The following NARS2 variants were observed in gnomAD, a reference collection of about 807,000 sequenced individuals.
NARS2 encodes asparaginyl-tRNA synthetase.
In NARS2, 60 loss-of-function variants were observed where a neutral mutation model predicts 62.9. The observed-to-expected ratio is 0.95, with a 90% CI of 0.77 to 1.18. The LOEUF (loss-of-function observed/expected upper bound fraction) is 1.18. NARS2 is among the 50% of genes most tolerant of loss of function. The pLI, the probability that NARS2 is intolerant of heterozygous loss-of-function variation, is 0.00. For synonymous variants in NARS2, 196 were observed against 200.0 expected (o/e 0.98, Z 0.17); for missense variants, 619 against 576.4 (o/e 1.07, Z -0.76).
intron 7 of NARS2, among the ~76,000 whole-genome samples, chr11:78,487,093 C>T (rs552631080): frequency 3.9e-5 from 6 of 152,138 alleles, no homozygotes; most frequent in Admixed American, 1.3e-4. Context: ...TGGTGGCTCA[C>T]GCCTGTAATC....
chr11:78,479,069 C>G (rs866546991), intron 7 of NARS2, among the ~76,000 whole-genome samples: 4 of 152,124 alleles, frequency 2.6e-5, no homozygotes, highest in Non-Finnish European at 5.9e-5. Context: ...ATGTGTCACA[C>G]TTAGCTTAGT....
chr11:78,469,171 A>G (rs1858759219), intron 10 of NARS2, 76 bp downstream of exon 10: 2 of 989,060 alleles, frequency 2.0e-6, no homozygotes. Flanking sequence ...ATTTTGAAAG[A>G]TTCTTAACAC....
rs191489766 is a variant in NARS2, at chr11:78,458,913, T to G, written c.1164+6963A>C. On this transcript the variant is annotated intron_variant, in intron 11 of 13. Transcript: ENST00000281038. ...AAGGAGATCTGATGGTGGGTTTTTT[T>G]TTTGTTTGTTTGTTTGTTTTTTTGA... Among the ~76,000 whole-genome samples the G allele has an allele frequency of 2.4e-3, 366 of 151,788 alleles. 3 individuals carry two copies. The highest frequency in any genetic ancestry group is 7.2e-3 in the African/African-American group (297 of 41,440).
At chr11:78,466,846 ACT>A (rs1313240023) in intron 10 of NARS2, among the ~76,000 whole-genome samples, 1 of 152,136 alleles carries the variant, frequency 6.6e-6, no homozygotes, top group African/African-American at 2.4e-5. Flanking sequence ...ATATTTATTA[ACT>A]CTGTTCAATA....
chr11:78,514,036 C>T (rs143727793), intron 6 of NARS2, among the ~76,000 whole-genome samples: 6 of 152,290 alleles, frequency 3.9e-5, no homozygotes, highest in Non-Finnish European at 5.9e-5. Context: ...TGAAGCCTCA[C>T]GAGAAGCAGA....
intron 6 of NARS2, among the ~76,000 whole-genome samples, chr11:78,496,787 T>C (rs556012071): frequency 1.2e-4 from 19 of 152,316 alleles, no homozygotes; most frequent in African/African-American, 4.6e-4. Context: ...TTAGCTTTTC[T>C]GGTCTTCAAA....
intron 7 of NARS2, among the ~76,000 whole-genome samples, chr11:78,487,812 G>C (rs571403418): frequency 1.3e-5 from 2 of 152,282 alleles, no homozygotes; most frequent in East Asian, 3.9e-4. Context: ...TGAAAGAAAA[G>C]AACTGTCAAG....
At chr11:78,479,715 T>C (rs1273192568) in intron 7 of NARS2, among the ~76,000 whole-genome samples, 3 of 152,254 alleles carry the variant, frequency 2.0e-5, no homozygotes, top group Admixed American at 6.5e-5. Context: ...ATGTATAAAG[T>C]AGAGGCTGCC....
At chr11:78,445,348 C>T (rs1001911083) in intron 11 of NARS2, among the ~76,000 whole-genome samples, 65 of 152,116 alleles carry the variant, frequency 4.3e-4, no homozygotes, top group East Asian at 5.8e-4. Context: ...AGGCCGGGTG[C>T]GGTGGCTTAC....
intron 6 of NARS2, among the ~76,000 whole-genome samples, chr11:78,521,254 T>C (rs932094769): frequency 6.6e-6 from 1 of 151,424 alleles, no homozygotes; most frequent in African/African-American, 2.4e-5. Context: ...AGTCTACAAC[T>C]CCTGGGCTCC....
intron 10 of NARS2, among the ~76,000 whole-genome samples, chr11:78,468,991 G>A (rs986386202): frequency 4.6e-5 from 7 of 151,500 alleles, no homozygotes; most frequent in Non-Finnish European, 7.4e-5. Flanking sequence ...CCTAAACGTG[G>A]GAGACTCCTT....
At position 78,513,651 on chromosome 11, in the gene NARS2, G is replaced by A. The variant is rs186939354; in HGVS notation, c.689+15191C>T. On this transcript the variant is annotated intron_variant, in intron 6 of 13. Coordinates refer to ENST00000281038, the MANE Select transcript of NARS2 (RefSeq NM_024678.6). ...AAATTAGCCGGGCGTAGTGGTGGGC[G>A]CCTGTAATCCCAGCTACTTGGGAGG... 1.9e-3 allele frequency among the ~76,000 whole-genome samples: 290 copies of A among 152,054 alleles called. 1 individual carries two copies. Among genetic ancestry groups the A allele is most frequent in the African/African-American group, 6.6e-3 (275 of 41,472 alleles).
chr11:78,476,924 T>G (rs574351625), intron 9 of NARS2, among the ~76,000 whole-genome samples: 50 of 152,296 alleles, frequency 3.3e-4, no homozygotes, highest in Admixed American at 1.2e-3. Flanking sequence ...CAGATGAACA[T>G]GAGCTTGAAT....
At chr11:78,481,266 G>A (rs1056359160) in intron 7 of NARS2, among the ~76,000 whole-genome samples, 2 of 152,164 alleles carry the variant, frequency 1.3e-5, no homozygotes, top group African/African-American at 4.8e-5. Flanking sequence ...GGGTATAGGG[G>A]TAAGGAATAA....
chr11:78,507,967 G>A (rs1225505010), intron 6 of NARS2, among the ~76,000 whole-genome samples: 2 of 152,178 alleles, frequency 1.3e-5, no homozygotes, highest in Admixed American at 1.3e-4. Flanking sequence ...CTGTCTTAAA[G>A]ACACTTAAAG....
chr11:78,511,997 C>A (rs548982748), intron 6 of NARS2, among the ~76,000 whole-genome samples: 26 of 152,276 alleles, frequency 1.7e-4, no homozygotes, highest in African/African-American at 6.3e-4. Flanking sequence ...GTATCAGGCT[C>A]CAGGAACCCC....
intron 11 of NARS2, among the ~76,000 whole-genome samples, chr11:78,458,022 T>C (rs1198094408): frequency 6.6e-6 from 1 of 152,088 alleles, no homozygotes; most frequent in Non-Finnish European, 1.5e-5. Context: ...AAATTATAGC[T>C]AGATAGGAGG....
intron 10 of NARS2, among the ~76,000 whole-genome samples, chr11:78,467,337 C>A (rs572417456): frequency 6.6e-6 from 1 of 151,938 alleles, no homozygotes; most frequent in African/African-American, 2.4e-5. Context: ...AGCACAGAAG[C>A]CCGAGACTAG....
chr11:78,539,755 A>G (rs1270774114), intron 5 of NARS2, among the ~76,000 whole-genome samples: 2 of 152,214 alleles, frequency 1.3e-5, no homozygotes, highest in Non-Finnish European at 2.9e-5. Flanking sequence ...TAGAGCATTT[A>G]GTGGGCAGGA....
Sources: allele counts gnomAD v4.1 joint callset (sites outside exome capture counted in the v4.1 genomes callset), GRCh38; gene constraint gnomAD v4.1.1; transcripts MANE v1.5; gene names NCBI Gene and HGNC (gene_info 2026-07-23, HGNC 2026-07-21).